The following GABRB2 variants were observed in gnomAD, a reference collection of about 807,000 sequenced individuals.
The protein encoded by GABRB2 is gamma-aminobutyric acid type A receptor subunit beta2, also known as gamma-aminobutyric acid receptor subunit beta-2.
GABRB2 carries 16 observed loss-of-function variants against 54.7 expected under a neutral mutation model. That is an observed-to-expected ratio of 0.29 (90% confidence interval 0.20 to 0.44). GABRB2 has a LOEUF of 0.44. GABRB2 is among the 20% of genes least tolerant of loss of function. GABRB2 has a pLI of 1.00. For missense variants in GABRB2, 355 were observed against 644.0 expected (o/e 0.55, Z 4.86); for synonymous variants, 244 against 233.8 (o/e 1.04, Z -0.40).
intron 5 of GABRB2, among the ~76,000 whole-genome samples, chr5:161,340,733 G>A (rs1344778911): frequency 6.6e-6 from 1 of 151,784 alleles, no homozygotes; most frequent in African/African-American, 2.4e-5. Flanking sequence ...TATTTCAGTT[G>A]ATAGTTATTC....
chr5:161,496,782 A>C (rs568407963), intron 3 of GABRB2, among the ~76,000 whole-genome samples: 11 of 152,236 alleles, frequency 7.2e-5, no homozygotes, highest in African/African-American at 2.6e-4. Flanking sequence ...GGATAATGTG[A>C]TATTTTTCTT....
intron 3 of GABRB2, among the ~76,000 whole-genome samples, chr5:161,534,544 T>A (rs1431555621): frequency 6.6e-6 from 1 of 152,180 alleles, no homozygotes; most frequent in Non-Finnish European, 1.5e-5. Context: ...TTCCCTTGTC[T>A]ATTTTCACTT....
chr5:161,463,389 A>T (rs932174885), intron 3 of GABRB2, among the ~76,000 whole-genome samples: 1 of 150,652 alleles, frequency 6.6e-6, no homozygotes, highest in East Asian at 2.0e-4. Flanking sequence ...ACAGAGAGAG[A>T]TATTTCTGGA....
chr5:161,477,775 A>G (rs1758639712), intron 3 of GABRB2, among the ~76,000 whole-genome samples: 1 of 151,952 alleles, frequency 6.6e-6, no homozygotes, highest in Non-Finnish European at 1.5e-5. Flanking sequence ...ATAGAGACAT[A>G]AAGTAGCATA....
At chr5:161,547,894 A>T (rs1287777326), upstream of GABRB2, 2 of 151,822 alleles carry the variant, frequency 1.3e-5, no homozygotes, top group Non-Finnish European at 2.9e-5. Context: ...CTTACCTCGC[A>T]GGCCCGCGCT....
At chr5:161,388,615 A>ATTATATATTAAT (rs1755720666) in intron 5 of GABRB2, among the ~76,000 whole-genome samples, 1 of 152,012 alleles carries the variant, frequency 6.6e-6, no homozygotes, top group South Asian at 2.1e-4. Flanking sequence ...TAATCATTTA[A>ATTATATATTAAT]GAATAATGAT....
chr5:161,523,421 T>C (rs1414880226), intron 3 of GABRB2, among the ~76,000 whole-genome samples: 1 of 151,514 alleles, frequency 6.6e-6, no homozygotes, highest in African/African-American at 2.4e-5. Flanking sequence ...TTCAAAGACA[T>C]TCAATATTAA....
intron 4 of GABRB2, among the ~76,000 whole-genome samples, chr5:161,447,741 G>C (rs756135017): frequency 6.6e-6 from 1 of 152,180 alleles, no homozygotes; most frequent in Non-Finnish European, 1.5e-5. Flanking sequence ...CAAAGCAAGT[G>C]ATTAAAACTT....
At chr5:161,317,396 A>G (rs1038344236) in intron 9 of GABRB2, among the ~76,000 whole-genome samples, 2 of 152,186 alleles carry the variant, frequency 1.3e-5, no homozygotes, top group African/African-American at 2.4e-5. Flanking sequence ...CACTCTCCAA[A>G]TGTAACCACT....
rs1037453092 is a variant in GABRB2, at chr5:161,506,041, T to C, written c.237+39186A>G. Among the ~76,000 whole-genome samples, 4 of 152,136 alleles carry C rather than the reference T, an allele frequency of 2.6e-5. No individual in the cohort carries two copies. The South Asian group carries it at 6.2e-4, about 24-fold the overall frequency. On this transcript the variant is annotated intron_variant, in intron 3 of 9. Coordinates refer to ENST00000393959, the MANE Select transcript of GABRB2 (RefSeq NM_001371727.1). ...TAAATGACATGATTTTGTGTGTATATATATATATGTATATATAACCTAATG... is the reference window on the plus strand; with the variant it reads ...TAAATGACATGATTTTGTGTGTATACATATATATGTATATATAACCTAATG...
chr5:161,336,586 A>G (rs760217491), intron 6 of GABRB2, 46 bp downstream of exon 6: 2 of 1,599,820 alleles, frequency 1.3e-6, no homozygotes, highest in Admixed American at 3.4e-5. Context: ...GTTTAACAAA[A>G]TACGGTGAAG....
chr5:161,338,651 A>G (rs2113411629), intron 5 of GABRB2, among the ~76,000 whole-genome samples: 1 of 152,126 alleles, frequency 6.6e-6, no homozygotes, highest in African/African-American at 2.4e-5. Flanking sequence ...TTAGCCAGGC[A>G]TGGTGGTACA....
At chr5:161,443,478 A>G (rs1211952174) in intron 4 of GABRB2, among the ~76,000 whole-genome samples, 1 of 152,188 alleles carries the variant, frequency 6.6e-6, no homozygotes, top group Admixed American at 6.5e-5. Flanking sequence ...TGAGATTTTC[A>G]CAATAAAATA....
chr5:161,345,478 T>C (rs1361491064), intron 5 of GABRB2, among the ~76,000 whole-genome samples: 1 of 152,096 alleles, frequency 6.6e-6, no homozygotes, highest in Non-Finnish European at 1.5e-5. Context: ...TTATTCTTAT[T>C]CTTTTTTCAA....
At chr5:161,447,809 T>G (rs193263620) in intron 4 of GABRB2, among the ~76,000 whole-genome samples, 147 of 152,322 alleles carry the variant, frequency 9.7e-4, no homozygotes, top group African/African-American at 3.3e-3. Flanking sequence ...TTGTGTAATT[T>G]TTTAATCTTC....
Position 161,509,153 on chromosome 5 carries a change from A to G in GABRB2, c.237+36074T>C, listed in dbSNP as rs184608532. On this transcript the variant is annotated intron_variant, in intron 3 of 9. Transcript: ENST00000393959. ...ACATAAAACACGGCATGGAAAATTCACCCTTTGATTAAAGCATCCCAACAA... is the reference window on the plus strand; with the variant it reads ...ACATAAAACACGGCATGGAAAATTCGCCCTTTGATTAAAGCATCCCAACAA... Among the ~76,000 whole-genome samples the G allele has an allele frequency of 3.8e-3, 581 of 152,006 alleles. 8 individuals are homozygous for G. The highest frequency in any genetic ancestry group is 0.013 in the African/African-American group (550 of 41,466).
chr5:161,513,089 TG>T (rs1759829969), intron 3 of GABRB2, among the ~76,000 whole-genome samples: 1 of 148,416 alleles, frequency 6.7e-6, no homozygotes, highest in African/African-American at 2.5e-5. Flanking sequence ...GAGATGCTGG[TG>T]GGGCTGTGGA....
At chr5:161,460,176 C>T (rs1428806173) in intron 3 of GABRB2, among the ~76,000 whole-genome samples, 2 of 152,090 alleles carry the variant, frequency 1.3e-5, no homozygotes, top group African/African-American at 4.8e-5. Context: ...GAACTATTGA[C>T]CTCAGGTAAT....
At chr5:161,331,408 G>T (rs1753835750) in intron 7 of GABRB2, among the ~76,000 whole-genome samples, 1 of 151,934 alleles carries the variant, frequency 6.6e-6, no homozygotes, top group South Asian at 2.1e-4. Context: ...TGCTATGATG[G>T]GCACATGTGT....
Sources: allele counts gnomAD v4.1 joint callset (sites outside exome capture counted in the v4.1 genomes callset), GRCh38; gene constraint gnomAD v4.1.1; transcripts MANE v1.5; gene names NCBI Gene and HGNC (gene_info 2026-07-23, HGNC 2026-07-21).